HNF1A: variants seen among roughly 807,000 people sequenced by gnomAD.
HNF1A encodes hepatocyte nuclear factor 1-alpha.
In HNF1A, 21 loss-of-function variants were observed where a neutral mutation model predicts 62.2. The observed-to-expected ratio is 0.34, with a 90% confidence interval of 0.24 to 0.49. The LOEUF (loss-of-function observed/expected upper bound fraction) is 0.49, where lower values mean the gene tolerates loss of function less well. Ranked by LOEUF, HNF1A falls within the 20% of genes least tolerant of loss-of-function variation. The pLI is 0.99. For synonymous variants in HNF1A, 374 were observed against 366.8 expected (o/e 1.02, Z -0.22); for missense variants, 687 against 832.3 (o/e 0.83, Z 2.15).
At chr12:120,999,749 G>C in intron 9 of HNF1A, 122 bp downstream of exon 9, 1 of 1,279,158 alleles carries the variant, frequency 7.8e-7, no homozygotes, top group Non-Finnish European at 1.1e-6. Flanking sequence ...GGGCTGCTGT[G>C]AGGAAGCACT....
At chr12:120,980,004 G>A (rs1202411005) in intron 1 of HNF1A, among the ~76,000 whole-genome samples, 4 of 152,020 alleles carry the variant, frequency 2.6e-5, no homozygotes. Flanking sequence ...GGGCTACAGG[G>A]GCCACCCCTC....
intron 1 of HNF1A, among the ~76,000 whole-genome samples, chr12:120,981,966 G>GACGT (rs1876267647): frequency 6.6e-6 from 1 of 152,214 alleles, no homozygotes; most frequent in Non-Finnish European, 1.5e-5. Context: ...AGCAGCCTGA[G>GACGT]ACGTGGCCAA....
chr12:120,997,827 T>G, intron 7 of HNF1A, 162 bp downstream of exon 7: 1 of 775,800 alleles, frequency 1.3e-6, no homozygotes, highest in Non-Finnish European at 2.3e-6. Context: ...TGTTCCCATG[T>G]GAATGCACGT....
chr12:120,997,385 G>C (rs1877162765), intron 6 of HNF1A, 89 bp from the exon 7 acceptor site: 1 of 1,426,574 alleles, frequency 7.0e-7, no homozygotes. Context: ...CACGGGCTCT[G>C]GGAAGGAGAG....
chr12:120,991,231 C>T (rs1228870506), intron 2 of HNF1A, among the ~76,000 whole-genome samples: 1 of 152,174 alleles, frequency 6.6e-6, no homozygotes, highest in African/African-American at 2.4e-5. Flanking sequence ...TACATATTGG[C>T]ATAGTTCCTT....
rs139301290 is a variant in HNF1A, at chr12:120,986,005, A to G, written c.327-2828A>G. On this transcript the variant is annotated intron_variant, in intron 1 of 9. Coordinates refer to ENST00000257555, the MANE Select transcript of HNF1A (RefSeq NM_000545.8). Reference sequence around the variant, plus strand: ...TCTCAAAAAAAAAAACTAAATAAAAATAAATATCATGTATGCATATATAGT... The same window carrying G: ...TCTCAAAAAAAAAAACTAAATAAAAGTAAATATCATGTATGCATATATAGT... Among the ~76,000 whole-genome samples the G allele has an allele frequency of 1.3e-3, 198 of 152,152 alleles. No homozygotes were observed. The Middle Eastern group carries it at 0.014, about 10-fold the overall frequency.
chr12:120,983,695 G>A (rs533985819), intron 1 of HNF1A, among the ~76,000 whole-genome samples: 2 of 152,006 alleles, frequency 1.3e-5, no homozygotes, highest in East Asian at 3.9e-4. Context: ...ACAGGCATAC[G>A]ACACCACACC....
intron 1 of HNF1A, among the ~76,000 whole-genome samples, chr12:120,983,914 C>CTGTGTGTGTGTGTG (rs1157274444): frequency 8.7e-4 from 27 of 31,152 alleles, no homozygotes; most frequent in African/African-American, 2.6e-3. Context: ...CCCTTGAAGA[C>CTGTGTGTGTGTGTG]TCTGTGTGTG....
rs747375443 is a variant in HNF1A, at chr12:120,996,584, C to A, written c.1151C>A (p.Thr384Lys). The change falls in exon 6 of 10, where the codon ACA becomes AAA. Residue 384 changes from threonine (T) to lysine (K), a missense_variant. Thr to Lys is a moderately conservative substitution (Grantham distance 78). Transcript: ENST00000257555. This position sits in a 1 kb window ranked among gnomAD's most constrained non-coding sequence, Gnocchi z 4.5. ...GGPLPPVSTL[T>K]ALHSLEQTSP... ...CCCCTCCCCCCTGTCAGCACCCTGA[C>A]AGCACTGCACAGCTTGGAGCAGACA... The A allele has an allele frequency of 5.0e-6, 8 of 1,613,966 alleles. No homozygotes were observed. Among genetic ancestry groups the A allele is most frequent in the Non-Finnish European group, 6.8e-6 (8 of 1,180,018 alleles).
chr12:120,981,236 T>C (rs1876236525), intron 1 of HNF1A, among the ~76,000 whole-genome samples: 1 of 152,142 alleles, frequency 6.6e-6, no homozygotes, highest in Admixed American at 6.5e-5. Flanking sequence ...AGAGGCAGAA[T>C]GTCTAGTAGA....
chr12:120,988,709 A>C (rs1876659694), intron 1 of HNF1A, 124 bp from the exon 2 acceptor site: 2 of 849,432 alleles, frequency 2.4e-6, no homozygotes. Flanking sequence ...CCTGGGCTCC[A>C]TAACTGCTTT....
At chr12:120,983,631 C>T (rs1305425964) in intron 1 of HNF1A, among the ~76,000 whole-genome samples, 5 of 151,546 alleles carry the variant, frequency 3.3e-5, no homozygotes, top group Admixed American at 2.0e-4. Flanking sequence ...TTGCAACCTC[C>T]GCCTCCCGGG....
intron 1 of HNF1A, among the ~76,000 whole-genome samples, chr12:120,988,525 G>C (rs1876647104): frequency 1.3e-5 from 2 of 152,266 alleles, no homozygotes; most frequent in East Asian, 3.9e-4. Context: ...TTGTGTGTCT[G>C]TGTATCCATG....
intron 1 of HNF1A, among the ~76,000 whole-genome samples, chr12:120,983,550 C>CTTT (rs554689596): frequency 4.2e-4 from 61 of 143,800 alleles, no homozygotes; most frequent in African/African-American, 1.5e-3. Context: ...TTCTTTCTTT[C>CTTT]TTTTTTTTTT....
rs1225814280 is a variant in HNF1A, at chr12:120,994,295, C to A, written c.845C>A (p.Ala282Asp). 1 of 1,612,836 alleles carries A rather than the reference C, an allele frequency of 6.2e-7. No individual in the cohort carries two copies. The highest frequency in any genetic ancestry group is 1.3e-5 in the African/African-American group (1 of 74,898). The change falls in exon 4 of 10, where the codon GCC (alanine) becomes GAC (aspartate). Residue 282 changes from alanine (A) to aspartate (D), a missense_variant. Physicochemically the swap from Ala to Asp is moderately radical, Grantham distance 126. This residue lies in a region of HNF1A where 47 missense variants were observed against 109.4 expected (regional missense o/e 0.43). Transcript: ENST00000257555. ...RKEEAFRHKL[A>D]MDTYSGPPPG... is the part of the protein sequence containing the mutation. ...GAAGAAGCCTTCCGGCACAAGCTGG[C>A]CATGGACACGTACAGCGGGCCCCCC... is the stretch of plus-strand genomic sequence containing the variant.
intron 1 of HNF1A, among the ~76,000 whole-genome samples, chr12:120,982,484 C>G (rs969094830): frequency 6.6e-6 from 1 of 151,960 alleles, no homozygotes; most frequent in Non-Finnish European, 1.5e-5. Flanking sequence ...GAGGATCTGA[C>G]GTCCCCAACA....
chr12:120,982,870 A>G (rs759455574), intron 1 of HNF1A, among the ~76,000 whole-genome samples: 1 of 152,050 alleles, frequency 6.6e-6, no homozygotes, highest in Non-Finnish European at 1.5e-5. Context: ...TTGACCATCA[A>G]CTCACTTCCA....
intron 4 of HNF1A, among the ~76,000 whole-genome samples, chr12:120,995,161 T>A (rs557936231): frequency 6.7e-6 from 1 of 148,506 alleles, no homozygotes; most frequent in South Asian, 2.2e-4. Flanking sequence ...CTCCATCCAC[T>A]CCATACCTGG....
At position 120,999,391 on chromosome 12, in the gene HNF1A, T is replaced by C; in HGVS notation, c.1623+2T>C. 6.2e-7 allele frequency: 1 copy of C among 1,613,810 alleles called. No homozygotes were observed. The highest frequency in any genetic ancestry group is 8.5e-7 in the Non-Finnish European group (1 of 1,179,936). Reference sequence around the variant, plus strand: ...GCCAGCCTCACGCCCACCAAGCAGGTAAGGTCCAGGCCTGCTGGCCCTCCC... The same window carrying C: ...GCCAGCCTCACGCCCACCAAGCAGGCAAGGTCCAGGCCTGCTGGCCCTCCC... On this transcript the variant is annotated splice_donor_variant, in intron 8 of 9. Coordinates refer to ENST00000257555, the MANE Select transcript of HNF1A (RefSeq NM_000545.8). LOFTEE classifies it high-confidence loss of function.
Sources: gnomAD v4.1 joint callset for allele counts (sites outside exome capture counted in the v4.1 genomes callset) on GRCh38, gnomAD v4.1.1 for gene constraint, gnomAD v4.1.1 regional missense constraint, Gnocchi (gnomAD v3.1) non-coding constraint, MANE v1.5 for transcripts, NCBI Gene and HGNC (gene_info 2026-07-23, HGNC 2026-07-21) for gene names.